The following SP140 variants were observed in gnomAD, a reference collection of about 807,000 sequenced individuals.
The protein encoded by SP140 is SP140 nuclear body protein.
In SP140, 81 loss-of-function variants were observed where a neutral mutation model predicts 125.0. The ratio of observed to expected loss-of-function variants is 0.65; its 90% confidence interval spans 0.54 to 0.78. SP140 has a LOEUF of 0.78. Ranked by LOEUF, SP140 falls within the 30% of genes least tolerant of loss-of-function variation. The pLI is 0.00. For synonymous variants in SP140, 312 were observed against 354.0 expected (o/e 0.88, Z 1.33); for missense variants, 858 against 1,037.0 (o/e 0.83, Z 2.37).
chr2:230,256,364 TC>T (rs1306396134), intron 12 of SP140, among the ~76,000 whole-genome samples: 3 of 150,516 alleles, frequency 2.0e-5, no homozygotes, highest in Non-Finnish European at 4.4e-5. Context: ...TGAGTCCATG[TC>T]CTTTGTAGGG....
rs1350526980 is a variant in SP140, at chr2:230,270,590, T to C, written c.1449T>C (p.Thr483=). 6.2e-7 allele frequency: 1 copy of C among 1,608,510 alleles called. No homozygotes were observed. The highest frequency in any genetic ancestry group is 8.5e-7 in the Non-Finnish European group (1 of 1,177,390). The change falls in exon 15 of 27, where the codon ACT becomes ACC. Residue 483 remains threonine (T), a synonymous_variant. Transcript: ENST00000392045. The part of the protein sequence containing the change: ...ESDQACGTMD[T]VDIANNSTLG... ...CCACCACTTGTTATTTTCCAGATAC[T>C]GTGGATATTGCAAACAACTCCACTT...
chr2:230,267,906 G>GA (rs1423370410), intron 12 of SP140, among the ~76,000 whole-genome samples: 1 of 152,132 alleles, frequency 6.6e-6, no homozygotes, highest in Admixed American at 6.5e-5. Context: ...AGGGACCCAA[G>GA]AAAAAATGTG....
chr2:230,210,115 G>C (rs901982108), intron 1 of SP140: 7 of 789,890 alleles, frequency 8.9e-6, no homozygotes, highest in Non-Finnish European at 1.6e-5. Context: ...TGCAGCCCAG[G>C]GCCGGGAATC....
intron 15 of SP140, chr2:230,270,925 G>A: frequency 2.2e-6 from 1 of 450,148 alleles, no homozygotes; most frequent in East Asian, 5.7e-5. Context: ...CTTAAAGAGT[G>A]GAAAACTTTT....
intron 24 of SP140, 91 bp from the exon 25 acceptor site, chr2:230,311,053 AGAAACTTGAG>A: frequency 6.3e-7 from 1 of 1,591,144 alleles, no homozygotes; most frequent in Admixed American, 1.8e-5. Context: ...CACATGTTAG[AGAAACTTGAG>A]GAAGAAGGGT....
At chr2:230,245,828 C>T (rs371070763) in intron 6 of SP140, 35 bp from the exon 7 acceptor site, 11 of 1,414,226 alleles carry the variant, frequency 7.8e-6, no homozygotes, top group Non-Finnish European at 1.0e-5. Flanking sequence ...CAGGTCACTG[C>T]CAATTGTCTG....
Position 230,257,770 on chromosome 2 carries a change from GA to G in SP140, c.1240+2245del, listed in dbSNP as rs1291744596. 4.0e-5 allele frequency among the ~76,000 whole-genome samples: 6 copies of G among 151,468 alleles called. No individual in the cohort carries two copies. The East Asian group carries it at 9.7e-4, about 24-fold the overall frequency. On this transcript the variant is annotated intron_variant, in intron 12 of 26. Transcript: ENST00000392045. ...GACAGAGCAAGATTCCATCTCAGAAGAAAAAAAGAAAAAATAAGGGGCCACC... is the reference window on the plus strand; with the variant it reads ...GACAGAGCAAGATTCCATCTCAGAAGAAAAAAGAAAAAATAAGGGGCCACC...
At chr2:230,251,627 T>C (rs1350999860) in intron 10 of SP140, among the ~76,000 whole-genome samples, 5 of 152,206 alleles carry the variant, frequency 3.3e-5, no homozygotes, top group Non-Finnish European at 7.3e-5. Flanking sequence ...AGATACTTTT[T>C]ATCATTTTAT....
intron 22 of SP140, among the ~76,000 whole-genome samples, chr2:230,303,708 CT>C: frequency 6.6e-6 from 1 of 152,100 alleles, no homozygotes; most frequent in Non-Finnish European, 1.5e-5. Flanking sequence ...AATCCAGCAC[CT>C]TTTATAATTA....
At chr2:230,307,988 TATACAC>T (rs1258050077) in intron 22 of SP140, among the ~76,000 whole-genome samples, 1,354 of 74,162 alleles carry the variant, frequency 0.018, 9 homozygotes, top group African/African-American at 0.052. Flanking sequence ...TATATATATA[TATACAC>T]ACACACACAC....
chr2:230,251,319 A>G (rs2050327243), intron 10 of SP140, among the ~76,000 whole-genome samples: 3 of 152,164 alleles, frequency 2.0e-5, no homozygotes, highest in Non-Finnish European at 4.4e-5. Flanking sequence ...TAGTTGGATT[A>G]TGTCAAGGCA....
At chr2:230,241,662 A>C (rs1434415030) in intron 4 of SP140, among the ~76,000 whole-genome samples, 175 bp downstream of exon 4, 1 of 152,164 alleles carries the variant, frequency 6.6e-6, no homozygotes, top group African/African-American at 2.4e-5. Context: ...GAACCAATGA[A>C]AAAGGAGATC....
intron 1 of SP140, among the ~76,000 whole-genome samples, chr2:230,205,495 G>C (rs550922718): frequency 6.6e-6 from 1 of 152,072 alleles, no homozygotes; most frequent in South Asian, 2.1e-4. Flanking sequence ...AAATTATCTT[G>C]TTTATGTGCT....
intron 3 of SP140, chr2:230,216,691 G>A (rs901812177): frequency 3.9e-6 from 6 of 1,528,142 alleles, no homozygotes; most frequent in African/African-American, 2.7e-5. Flanking sequence ...TCCAAACTCT[G>A]GAAGCCCTGG....
At chr2:230,218,608 G>C (rs1014698782) in intron 3 of SP140, among the ~76,000 whole-genome samples, 1 of 152,152 alleles carries the variant, frequency 6.6e-6, no homozygotes, top group Non-Finnish European at 1.5e-5. Flanking sequence ...AGAACAGGAA[G>C]TCTAGAGCTT....
rs1210584306 is a variant in SP140, at chr2:230,269,938, G to T, written c.1429G>T (p.Ala477Ser). 3 of 1,613,470 alleles carry T rather than the reference G, an allele frequency of 1.9e-6. No individual in the cohort carries two copies. The highest frequency in any genetic ancestry group is 1.7e-5 in the Admixed American group (1 of 60,028). ...AGAAGCAAGGACGGAAAGTGATCAA[G>T]CGTGTGGCACAATGGGTAAGGCTGT... is the stretch of plus-strand genomic sequence containing the variant. ...SPEARTESDQ[A>S]CGTMDTVDIA... The change falls in exon 14 of 27, where the codon GCG becomes TCG. Residue 477 changes from alanine to serine, a missense_variant. Transcript: ENST00000392045.
intron 1 of SP140, among the ~76,000 whole-genome samples, chr2:230,229,035 G>A (rs1012691629): frequency 6.6e-6 from 1 of 151,596 alleles, no homozygotes; most frequent in Non-Finnish European, 1.5e-5. Context: ...TCCCTTCTTA[G>A]CATATCAATT....
intron 22 of SP140, among the ~76,000 whole-genome samples, chr2:230,299,476 G>A (rs1231280920): frequency 6.6e-6 from 1 of 152,178 alleles, no homozygotes; most frequent in Non-Finnish European, 1.5e-5. Flanking sequence ...AGCCATTTCT[G>A]ACTTTATCTC....
intron 22 of SP140, among the ~76,000 whole-genome samples, chr2:230,304,096 G>A (rs1356881477): frequency 6.6e-6 from 1 of 152,110 alleles, no homozygotes; most frequent in Non-Finnish European, 1.5e-5. Flanking sequence ...CAATAGCACT[G>A]TTATATACTA....
Sources: allele counts gnomAD v4.1 joint callset (sites outside exome capture counted in the v4.1 genomes callset), GRCh38; gene constraint gnomAD v4.1.1; transcripts MANE v1.5; gene names NCBI Gene and HGNC (gene_info 2026-07-23, HGNC 2026-07-21).